Variants in RANBP2 observed in about 807,000 individuals in gnomAD.
RANBP2 encodes RAN binding protein 2.
In RANBP2, 57 loss-of-function variants were observed where a neutral mutation model predicts 303.6. The ratio of observed to expected loss-of-function variants is 0.19; its 90% CI spans 0.15 to 0.23. RANBP2 has a LOEUF of 0.23. Ranked by LOEUF, RANBP2 falls within the 10% of genes least tolerant of loss-of-function variation. The probability of loss-of-function intolerance (pLI) is 1.00; values close to 1 mark genes in which losing one functional copy is unlikely to be tolerated. For synonymous variants in RANBP2, 1,167 were observed against 1,301.5 expected, an observed-to-expected ratio of 0.90 and a Z score of 2.23; for missense variants, 3,138 against 3,780.8, an observed-to-expected ratio of 0.83 and a Z score of 4.46.
chr2:109,584,530 A>G, the RANBP2 span, among the ~76,000 whole-genome samples: 1 of 152,058 alleles, frequency 6.6e-6, no homozygotes, highest in Non-Finnish European at 1.5e-5. Context: ...AAACGAACAA[A>G]AAGTTATTGC....
chr2:109,668,549 AAGTGGGACTCT>A, the RANBP2 span, among the ~76,000 whole-genome samples: 2 of 152,238 alleles, frequency 1.3e-5, no homozygotes, highest in Non-Finnish European at 2.9e-5. Context: ...CTACCAGAGA[AAGTGGGACTCT>A]AGGCTGTGCC....
At chr2:109,656,883 T>C in the RANBP2 span, among the ~76,000 whole-genome samples, 16 of 152,092 alleles carry the variant, frequency 1.1e-4, no homozygotes, top group Non-Finnish European at 2.1e-4. Context: ...TCTTCTAAGA[T>C]GATGAAAATA....
chr2:109,593,722 C>A, the RANBP2 span, among the ~76,000 whole-genome samples: 5 of 151,854 alleles, frequency 3.3e-5, no homozygotes, highest in African/African-American at 1.2e-4. Flanking sequence ...TTTAAAGATA[C>A]TCTAAGAGCC....
chr2:109,445,815 C>G, the RANBP2 span, among the ~76,000 whole-genome samples: 1 of 151,898 alleles, frequency 6.6e-6, no homozygotes, highest in African/African-American at 2.4e-5. Context: ...AAGCGATACC[C>G]CTGAAAATAA....
the RANBP2 span, among the ~76,000 whole-genome samples, chr2:109,296,871 A>T: frequency 4.0e-4 from 61 of 152,294 alleles, 1 homozygote; most frequent in South Asian, 0.012. Context: ...GCACTGCTAT[A>T]GCATTGCCAG....
At chr2:109,017,401 T>TGAGA in the RANBP2 span, among the ~76,000 whole-genome samples, 3 of 152,154 alleles carry the variant, frequency 2.0e-5, no homozygotes, top group Non-Finnish European at 4.4e-5. Context: ...AGCTTCTGAA[T>TGAGA]GAGAGAGAGA....
chr2:108,851,000 C>G, the RANBP2 span, among the ~76,000 whole-genome samples: 27 of 152,192 alleles, frequency 1.8e-4, no homozygotes, highest in Non-Finnish European at 2.6e-4. Context: ...TCGTGCCACA[C>G]CAGTTGCAAG....
chr2:109,293,297 G>A, the RANBP2 span, among the ~76,000 whole-genome samples: 12 of 152,164 alleles, frequency 7.9e-5, no homozygotes, highest in Non-Finnish European at 1.6e-4. Flanking sequence ...ACTGCACTGC[G>A]AAGGAGTTTG....
chr2:109,320,608 T>C, the RANBP2 span, among the ~76,000 whole-genome samples: 1 of 152,238 alleles, frequency 6.6e-6, no homozygotes, highest in Non-Finnish European at 1.5e-5. Flanking sequence ...CTCTGCTTAC[T>C]AGGTCACCAA....
At chr2:109,252,080 C>A in the RANBP2 span, among the ~76,000 whole-genome samples, 1 of 64,588 alleles carries the variant, frequency 1.5e-5, no homozygotes. Flanking sequence ...GATGCCATCT[C>A]TACAAAAAAT....
At chr2:109,161,712 G>T in the RANBP2 span, among the ~76,000 whole-genome samples, 1 of 151,920 alleles carries the variant, frequency 6.6e-6, no homozygotes, top group South Asian at 2.1e-4. Flanking sequence ...GAAGCCGGGA[G>T]CAGGACATGC....
At chr2:109,055,682 C>T in the RANBP2 span, among the ~76,000 whole-genome samples, 2 of 151,044 alleles carry the variant, frequency 1.3e-5, no homozygotes, top group Admixed American at 6.6e-5. Flanking sequence ...CCACGCCCAG[C>T]GGCCTTTTCA....
the RANBP2 span, among the ~76,000 whole-genome samples, chr2:109,425,984 G>A: frequency 5.3e-5 from 8 of 152,036 alleles, no homozygotes; most frequent in Admixed American, 2.0e-4. Flanking sequence ...TGCAACCTCC[G>A]CCTCCTGGGT....
the RANBP2 span, among the ~76,000 whole-genome samples, chr2:108,832,000 T>C: frequency 6.6e-6 from 1 of 152,106 alleles, no homozygotes; most frequent in Non-Finnish European, 1.5e-5. Flanking sequence ...CCCGAAGTGC[T>C]GGGATTACAA....
At chr2:108,812,551 T>A in the RANBP2 span, 1 of 994,210 alleles carries the variant, frequency 1.0e-6, no homozygotes, top group Non-Finnish European at 1.6e-6. Flanking sequence ...TCAACCAGAT[T>A]AGATAGTAGA....
At chr2:109,442,121 C>A in the RANBP2 span, among the ~76,000 whole-genome samples, 5 of 152,028 alleles carry the variant, frequency 3.3e-5, 1 homozygote, top group Admixed American at 3.3e-4. Context: ...ACCATCCTGG[C>A]TAACACAGTG....
At position 108,742,875 on chromosome 2, in the gene RANBP2, A is replaced by G. The variant is rs572632023; in HGVS notation, c.975+2194A>G. On this transcript the variant is annotated intron_variant, in intron 7 of 28. Coordinates refer to ENST00000283195, the MANE Select transcript of RANBP2 (RefSeq NM_006267.5). ...ACGACCTCGGCTCACTGCAAGCTCC[A>G]CCTCCTGGGTTCACGCCATTCTCCT... Among the ~76,000 whole-genome samples the G allele has an allele frequency of 4.7e-3, 717 of 151,678 alleles. 4 individuals are homozygous for G. The highest frequency in any genetic ancestry group is 0.016 in the African/African-American group (659 of 41,364).
At chr2:109,436,460 A>C in the RANBP2 span, among the ~76,000 whole-genome samples, 2 of 152,164 alleles carry the variant, frequency 1.3e-5, no homozygotes, top group Admixed American at 1.3e-4. Flanking sequence ...AGCAGATGCG[A>C]GGTGGCAGTC....
chr2:109,223,164 G>T, the RANBP2 span, among the ~76,000 whole-genome samples: 2 of 152,256 alleles, frequency 1.3e-5, no homozygotes, highest in Non-Finnish European at 2.9e-5. Flanking sequence ...CCTGAAACCA[G>T]CATGGGTGCT....
Sources: allele counts gnomAD v4.1 joint callset (sites outside exome capture counted in the v4.1 genomes callset), GRCh38; gene constraint gnomAD v4.1.1; transcripts MANE v1.5; gene names NCBI Gene and HGNC (gene_info 2026-07-23, HGNC 2026-07-21).